NEK11: variants seen among roughly 807,000 people sequenced by gnomAD.
The protein encoded by NEK11 is NIMA related kinase 11, also known as serine/threonine-protein kinase Nek11.
Under a neutral mutation model 80.7 loss-of-function variants are expected in NEK11, and 72 were observed. The observed-to-expected ratio is 0.89, with a 90% confidence interval of 0.74 to 1.08. The LOEUF (loss-of-function observed/expected upper bound fraction) is 1.08. NEK11 is among the 50% of genes least tolerant of loss of function. The pLI, the probability that NEK11 is intolerant of heterozygous loss-of-function variation, is 0.00. For synonymous variants in NEK11, 251 were observed against 260.7 expected, an observed-to-expected ratio of 0.96 and a Z score of 0.36; for missense variants, 764 against 763.6, an observed-to-expected ratio of 1.00 and a Z score of -0.01.
chr3:131,063,418 C>T (rs561447177), intron 3 of NEK11, among the ~76,000 whole-genome samples: 2 of 152,294 alleles, frequency 1.3e-5, no homozygotes, highest in South Asian at 2.1e-4. Context: ...GGACCATCTT[C>T]TCTATGCCCT....
intron 9 of NEK11, among the ~76,000 whole-genome samples, chr3:131,153,824 A>G (rs1418419493): frequency 6.6e-6 from 1 of 152,238 alleles, no homozygotes; most frequent in Admixed American, 6.5e-5. Context: ...GGATGTAAAT[A>G]AAATAAGTAT....
chr3:131,237,417 G>C (rs2107987088), intron 15 of NEK11, among the ~76,000 whole-genome samples: 1 of 152,318 alleles, frequency 6.6e-6, no homozygotes, highest in African/African-American at 2.4e-5. Flanking sequence ...AATGGTCTAA[G>C]CACTGGGTAT....
intron 16 of NEK11, among the ~76,000 whole-genome samples, chr3:131,246,200 A>T (rs1010867183): frequency 6.6e-6 from 1 of 152,112 alleles, no homozygotes; most frequent in Non-Finnish European, 1.5e-5. Flanking sequence ...TGGTGCACCC[A>T]TCACCCTAGC....
intron 15 of NEK11, among the ~76,000 whole-genome samples, chr3:131,229,762 C>CA (rs953549978): frequency 2.7e-5 from 4 of 149,124 alleles, no homozygotes; most frequent in African/African-American, 7.4e-5. Flanking sequence ...TGGGGCCAAG[C>CA]AAAAAAAGGG....
intron 3 of NEK11, among the ~76,000 whole-genome samples, chr3:131,055,112 T>G (rs6776888): frequency 0.91 from 138,423 of 152,204 alleles, 63,482 homozygotes; most frequent in Non-Finnish European, 0.95. Flanking sequence ...GCAGGAAGGG[T>G]GTCACTTTGA....
intron 14 of NEK11, among the ~76,000 whole-genome samples, chr3:131,186,672 T>C (rs549691318): frequency 5.9e-5 from 9 of 152,288 alleles, no homozygotes; most frequent in African/African-American, 2.2e-4. Flanking sequence ...TGAGTGTAAA[T>C]ATATTTTGTG....
rs370065411 is a variant in NEK11, at chr3:131,055,901, G to A, written c.171-24522G>A. Among the ~76,000 whole-genome samples the A allele has an allele frequency of 7.9e-5, 12 of 152,298 alleles. No homozygotes were observed. The South Asian group carries it at 1.2e-3, about 16-fold the overall frequency. ...AAAGATCATTGGAAGAGATTTTGGA[G>A]CAAAATTTACCACTAAAGCTCTTGT... is the stretch of plus-strand genomic sequence containing the variant. On this transcript the variant is annotated intron_variant, in intron 3 of 17. Coordinates refer to ENST00000383366, the MANE Select transcript of NEK11 (RefSeq NM_024800.5).
At position 131,295,922 on chromosome 3, in the gene NEK11, C is replaced by T. The variant is rs139700915; in HGVS notation, c.1718+22348C>T. ...TGGTACAATTTCATTTCACTGCAGC[C>T]CTGACCTCCTGGGCTCAAGTGAGCC... On this transcript the variant is annotated intron_variant, in intron 17 of 17. Coordinates refer to ENST00000383366, the MANE Select transcript of NEK11 (RefSeq NM_024800.5). Among the ~76,000 whole-genome samples the T allele has an allele frequency of 2.3e-3, 352 of 152,170 alleles. 5 individuals are homozygous for T. Among genetic ancestry groups the T allele is most frequent in the East Asian group, 9.7e-4 (5 of 5,180 alleles).
At chr3:131,075,286 T>A (rs2074160002) in intron 3 of NEK11, among the ~76,000 whole-genome samples, 1 of 152,194 alleles carries the variant, frequency 6.6e-6, no homozygotes, top group African/African-American at 2.4e-5. Flanking sequence ...AATAATTTTG[T>A]CCTTTAATGT....
intron 17 of NEK11, among the ~76,000 whole-genome samples, chr3:131,322,700 T>C (rs1195831433): frequency 2.6e-5 from 4 of 152,200 alleles, no homozygotes; most frequent in African/African-American, 7.2e-5. Flanking sequence ...GATGCAATGC[T>C]GCTGGTGGGA....
chr3:131,102,603 G>T (rs2078556594), intron 4 of NEK11, among the ~76,000 whole-genome samples: 1 of 152,134 alleles, frequency 6.6e-6, no homozygotes. Context: ...CTTCCTTTAA[G>T]ATTTTTTCTT....
At chr3:131,042,407 A>G (rs1049839086) in intron 3 of NEK11, among the ~76,000 whole-genome samples, 1 of 152,164 alleles carries the variant, frequency 6.6e-6, no homozygotes, top group Non-Finnish European at 1.5e-5. Flanking sequence ...TCGACCTGGG[A>G]TGCTGTTGCT....
intron 3 of NEK11, among the ~76,000 whole-genome samples, chr3:131,041,552 G>C (rs761103239): frequency 6.6e-6 from 1 of 151,896 alleles, no homozygotes; most frequent in Non-Finnish European, 1.5e-5. Context: ...ATATACTCAC[G>C]TATATATATG....
chr3:131,216,390 T>C (rs182034990), intron 14 of NEK11, among the ~76,000 whole-genome samples: 13 of 152,358 alleles, frequency 8.5e-5, no homozygotes, highest in Non-Finnish European at 5.9e-5. Flanking sequence ...TACTCAATTT[T>C]ATTGGCAGCG....
intron 10 of NEK11, among the ~76,000 whole-genome samples, chr3:131,160,956 T>A (rs1170186684): frequency 6.6e-6 from 1 of 152,152 alleles, no homozygotes; most frequent in African/African-American, 2.4e-5. Flanking sequence ...CCAGTCAGAA[T>A]GGTGGATCAT....
At chr3:131,127,724 G>A (rs1234852793) in intron 5 of NEK11, among the ~76,000 whole-genome samples, 2 of 121,484 alleles carry the variant, frequency 1.6e-5, no homozygotes, top group South Asian at 2.5e-4. Context: ...CAATATATGT[G>A]AAATATTGAG....
chr3:131,226,735 A>G (rs992058393), intron 14 of NEK11, among the ~76,000 whole-genome samples: 4 of 152,086 alleles, frequency 2.6e-5, no homozygotes, highest in Non-Finnish European at 4.4e-5. Context: ...TACAGTGTAT[A>G]CTACTCGGTG....
At chr3:131,262,050 A>G (rs564777301) in intron 16 of NEK11, among the ~76,000 whole-genome samples, 1 of 152,330 alleles carries the variant, frequency 6.6e-6, no homozygotes, top group African/African-American at 2.4e-5. Flanking sequence ...GACCAACAAA[A>G]TAAAAGAGAA....
chr3:131,174,308 T>A (rs764768342), intron 14 of NEK11, among the ~76,000 whole-genome samples: 6 of 152,234 alleles, frequency 3.9e-5, no homozygotes, highest in Non-Finnish European at 8.8e-5. Context: ...AGACTTAATT[T>A]GTTGATGAAC....
Sources: gnomAD v4.1 joint callset for allele counts (sites outside exome capture counted in the v4.1 genomes callset) on GRCh38, gnomAD v4.1.1 for gene constraint, MANE v1.5 for transcripts, NCBI Gene and HGNC (gene_info 2026-07-23, HGNC 2026-07-21) for gene names.